The following GORAB variants were observed in gnomAD, a reference collection of about 807,000 sequenced individuals.
GORAB encodes the protein RAB6-interacting golgin.
A neutral mutation model predicts 29.9 loss-of-function variants in GORAB; 17 were observed. The observed-to-expected ratio is 0.57, with a 90% CI of 0.39 to 0.85. The LOEUF is 0.85. GORAB is among the 40% of genes least tolerant of loss of function. GORAB has a pLI of 0.00. For missense variants in GORAB, 442 were observed against 437.8 expected (o/e 1.01, Z -0.09); for synonymous variants, 183 against 157.2 (o/e 1.16, Z -1.23).
In GORAB at chr1:170,552,872, T is replaced by C; in HGVS notation, c.*410T>C. ...AGACTGGAAGTCCTATTTTATTTAA[T>C]CAGTATCAGTAAAAAGACAAAAATT... On this transcript the variant is annotated 3_prime_UTR_variant, in exon 5 of 5. Coordinates refer to ENST00000367763, the MANE Select transcript of GORAB (RefSeq NM_152281.3). 2.2e-6 allele frequency: 1 copy of C among 452,232 alleles called. No homozygotes were observed. The highest frequency in any genetic ancestry group is 4.4e-6 in the Non-Finnish European group (1 of 226,544). 28.0% of individuals were successfully genotyped at this position (452,232 alleles called of 1,614,324 possible).
At chr1:170,549,044 A>G (rs1308568644) in intron 4 of GORAB, among the ~76,000 whole-genome samples, 1 of 152,224 alleles carries the variant, frequency 6.6e-6, no homozygotes, top group East Asian at 1.9e-4. Flanking sequence ...CGTGGAACCC[A>G]GTGGTATACT....
chr1:170,540,706 T>C (rs1571246117), intron 2 of GORAB, among the ~76,000 whole-genome samples: 2 of 152,204 alleles, frequency 1.3e-5, no homozygotes, highest in South Asian at 2.1e-4. Flanking sequence ...TTGGATGTTA[T>C]AGGGAAACTT....
chr1:170,533,008 ATTG>A (rs538069618), intron 1 of GORAB, among the ~76,000 whole-genome samples: 46 of 152,240 alleles, frequency 3.0e-4, no homozygotes, highest in African/African-American at 1.1e-3. Context: ...AAGTTTGCTG[ATTG>A]TTGGTGGAAA....
rs1557999471 is a variant in GORAB, at chr1:170,532,200, T to A, written c.-24T>A. On this transcript the variant is annotated 5_prime_UTR_variant, in exon 1 of 5. Transcript: ENST00000367763. ...CGCGGCTGCGAGATTTGGGCACTTT[T>A]GGGGGTGCCGGTGGCCCGGGCCGAT... 6.2e-7 allele frequency: 1 copy of A among 1,613,814 alleles called. No individual in the cohort carries two copies. Among genetic ancestry groups the A allele is most frequent in the African/African-American group, 1.3e-5 (1 of 74,978 alleles).
At chr1:170,536,135 C>T (rs969379322) in intron 1 of GORAB, 2 of 151,986 alleles carry the variant, frequency 1.3e-5, no homozygotes, top group Admixed American at 6.6e-5. Flanking sequence ...TATATGTCTC[C>T]GTTTATTTAG....
At position 170,553,385 on chromosome 1, in the gene GORAB, A is replaced by G; in HGVS notation, c.*923A>G. 1 of 452,408 alleles carries G rather than the reference A, an allele frequency of 2.2e-6. No individual in the cohort carries two copies. The highest frequency in any genetic ancestry group is 4.4e-6 in the Non-Finnish European group (1 of 226,362). 28.0% of individuals were successfully genotyped at this position (452,408 alleles called of 1,614,324 possible). A position where few individuals can be genotyped will look rare whatever the true frequency, so the allele number is the denominator to read the frequency against. The stretch of plus-strand genomic sequence containing the variant: ...AGTTTGTTAATTGCCTGTTACTAGT[A>G]CTTGACCAATACATTGTGCTATATG... On this transcript the variant is annotated 3_prime_UTR_variant, in exon 5 of 5. Coordinates refer to ENST00000367763, the MANE Select transcript of GORAB (RefSeq NM_152281.3).
intron 4 of GORAB, among the ~76,000 whole-genome samples, chr1:170,550,538 C>G (rs922367232): frequency 5.3e-5 from 8 of 152,212 alleles, no homozygotes; most frequent in African/African-American, 1.4e-4. Flanking sequence ...GATATCTGTT[C>G]TTTGTATCCA....
At chr1:170,536,747 A>G (rs1649086821) in intron 1 of GORAB, among the ~76,000 whole-genome samples, 1 of 152,232 alleles carries the variant, frequency 6.6e-6, no homozygotes, top group Non-Finnish European at 1.5e-5. Context: ...AACAAAATGA[A>G]TGACTGCTGA....
rs369967804 is a variant in GORAB, at chr1:170,539,266, C to T, written c.118C>T (p.Arg40Ter). The change falls in exon 2 of 5, where the codon CGA (arginine) becomes TGA (stop). Residue 40 changes from arginine (R) to a stop codon, truncating the protein, a stop_gained. Coordinates refer to ENST00000367763, the MANE Select transcript of GORAB (RefSeq NM_152281.3). LOFTEE classifies it high-confidence loss of function. ...GAAGAAAAGTCGACAACAACTTCAGCGAGAAAAAGCCCTTGTAGAGCAAAG... is the reference window on the plus strand; with the variant it reads ...GAAGAAAAGTCGACAACAACTTCAGTGAGAAAAAGCCCTTGTAGAGCAAAG... ...PAKKSRQQLQ[R>*]EKALVEQSQK... The T allele has an allele frequency of 8.1e-6, 13 of 1,613,992 alleles. No homozygotes were observed. Among genetic ancestry groups the T allele is most frequent in the East Asian group, 4.5e-5 (2 of 44,900 alleles).
chr1:170,551,747 T>C (rs1344556657), intron 4 of GORAB, among the ~76,000 whole-genome samples: 2 of 152,216 alleles, frequency 1.3e-5, no homozygotes, highest in African/African-American at 2.4e-5. Context: ...TTAGCCTGCC[T>C]TCACTCAAAA....
rs1483240452 is a variant in GORAB at position 170,553,019 on chromosome 1, CAACTT to C, written c.*560_*564del. On this transcript the variant is annotated 3_prime_UTR_variant, in exon 5 of 5. Coordinates refer to ENST00000367763, the MANE Select transcript of GORAB (RefSeq NM_152281.3). ...ACTGGAATTTATGTGAAGAACCAAA[CAACTT>C]AAACCAGCATCACTTTTGTCTTCAA... is the stretch of plus-strand genomic sequence containing the variant. 1 of 453,494 alleles carries C rather than the reference CAACTT, an allele frequency of 2.2e-6. No homozygotes were observed. Among genetic ancestry groups the C allele is most frequent in the Non-Finnish European group, 4.4e-6 (1 of 226,704 alleles). The allele number at this position is 453,494 out of a possible 1,614,324, so 28.1% of individuals were successfully genotyped here.
At chr1:170,539,062 G>A (rs1170693664) in intron 1 of GORAB, 148 bp from the exon 2 acceptor site, 2 of 937,446 alleles carry the variant, frequency 2.1e-6, no homozygotes, top group Non-Finnish European at 3.2e-6. Context: ...GAAGATGGCT[G>A]TTTTTCCCCT....
At chr1:170,532,399 G>T in intron 1 of GORAB, 115 bp downstream of exon 1, 1 of 1,166,796 alleles carries the variant, frequency 8.6e-7, no homozygotes, top group South Asian at 1.2e-5. Flanking sequence ...TTAGCGGAAG[G>T]CGCTGTAAGT....
intron 2 of GORAB, among the ~76,000 whole-genome samples, chr1:170,539,967 CT>C (rs769148399): frequency 0.014 from 1,978 of 137,272 alleles, 41 homozygotes; most frequent in African/African-American, 0.044. Context: ...TTTTTTCTTT[CT>C]TTTTTTTTTT....
At chr1:170,551,660 C>G (rs893967895) in intron 4 of GORAB, among the ~76,000 whole-genome samples, 6 of 152,060 alleles carry the variant, frequency 3.9e-5, no homozygotes, top group African/African-American at 1.4e-4. Context: ...AGTAATTATC[C>G]CATGGAAATG....
At chr1:170,538,999 C>T (rs1007034630) in intron 1 of GORAB, 1 of 593,000 alleles carries the variant, frequency 1.7e-6, no homozygotes, top group Non-Finnish European at 2.9e-6. Context: ...AGAGATGGGG[C>T]AGTTTCTGTT....
chr1:170,544,278 G>A (rs1649617522), intron 3 of GORAB, among the ~76,000 whole-genome samples: 1 of 152,156 alleles, frequency 6.6e-6, no homozygotes, highest in Non-Finnish European at 1.5e-5. Flanking sequence ...AAGAGGTGTG[G>A]TTTAGTATAG....
chr1:170,548,827 A>G (rs1649916433), intron 4 of GORAB, among the ~76,000 whole-genome samples: 1 of 152,240 alleles, frequency 6.6e-6, no homozygotes, highest in Non-Finnish European at 1.5e-5. Flanking sequence ...ATACTGCAAT[A>G]ATCCTATAAT....
intron 4 of GORAB, among the ~76,000 whole-genome samples, chr1:170,549,219 T>A (rs1374756836): frequency 1.3e-5 from 2 of 152,244 alleles, no homozygotes; most frequent in Non-Finnish European, 2.9e-5. Context: ...TACTGTGTTA[T>A]GTATAATGCT....
Sources: allele counts gnomAD v4.1 joint callset (sites outside exome capture counted in the v4.1 genomes callset), GRCh38; gene constraint gnomAD v4.1.1; transcripts MANE v1.5; gene names NCBI Gene and HGNC (gene_info 2026-07-23, HGNC 2026-07-21).